MFF: variants seen among roughly 807,000 people sequenced by gnomAD.
MFF encodes mitochondrial fission factor, also known as chromosome 2 open reading frame 33.
Under a neutral mutation model 36.9 loss-of-function variants are expected in MFF, and 12 were observed. The ratio of observed to expected loss-of-function variants is 0.33; its 90% CI spans 0.21 to 0.53. MFF has a LOEUF of 0.53. MFF is among the 20% of genes least tolerant of loss of function. The pLI, the probability that MFF is intolerant of heterozygous loss-of-function variation, is 0.95. For missense variants in MFF, 348 were observed against 366.6 expected (o/e 0.95, Z 0.42); for synonymous variants, 99 against 126.2 (o/e 0.78, Z 1.44).
intron 1 of MFF, chr2:227,325,633 G>A (rs540093087): frequency 6.6e-6 from 1 of 152,474 alleles, no homozygotes; most frequent in South Asian, 2.1e-4. Context: ...TCCCCGAGGA[G>A]AGCGAGGGAG....
At position 227,331,650 on chromosome 2, in the gene MFF, C is replaced by T. The variant is rs73086049; in HGVS notation, c.182-769C>T. 5.6e-3 allele frequency among the ~76,000 whole-genome samples: 847 copies of T among 152,316 alleles called. 6 individuals are homozygous for T. Among genetic ancestry groups the T allele is most frequent in the African/African-American group, 0.019 (792 of 41,562 alleles). ...AAGTTACAGTTGCTCCACATCCTTGCCAACATTTTGTATTGTCAGTCTTTT... is the reference window on the plus strand; with the variant it reads ...AAGTTACAGTTGCTCCACATCCTTGTCAACATTTTGTATTGTCAGTCTTTT... On this transcript the variant is annotated intron_variant, in intron 3 of 8. Transcript: ENST00000304593.
Position 227,332,489 on chromosome 2 carries a change from C to T in MFF, c.252C>T (p.Pro84=). 2.5e-6 allele frequency: 4 copies of T among 1,613,634 alleles called. No homozygotes were observed. The highest frequency in any genetic ancestry group is 3.4e-6 in the Non-Finnish European group (4 of 1,179,666). Residue 84 remains proline, a synonymous_variant, in exon 4 of 9, where the codon CCC becomes CCT. Transcript: ENST00000304593. ...LDLIQSTPFK[P]LALKTPPRVL... The stretch of plus-strand genomic sequence containing the variant: ...TTATTCAGTCAACTCCCTTTAAACC[C>T]CTGGCACTGAAAACACCACCTCGTG...
chr2:227,347,064 A>G lies in MFF; in HGVS notation c.441-162A>G, dbSNP rs186110357. ...TGCCTTGTAGCTAGTTTTTGGAAAC[A>G]ATTCAAAATATTTATTCTTTGACTG... is the stretch of plus-strand genomic sequence containing the variant. On this transcript the variant is annotated intron_variant, in intron 5 of 8. Transcript: ENST00000304593. 7.9e-4 allele frequency: 456 copies of G among 579,474 alleles called. 2 individuals carry two copies. The highest frequency in any genetic ancestry group is 4.7e-3 in the East Asian group (166 of 35,326). 35.9% of individuals were successfully genotyped at this position (579,474 alleles called of 1,614,324 possible).
chr2:227,353,599 G>T (rs774497063), intron 7 of MFF, among the ~76,000 whole-genome samples: 22 of 152,020 alleles, frequency 1.4e-4, no homozygotes, highest in Admixed American at 4.6e-4. Flanking sequence ...TTATCTTTCT[G>T]TCAGAGTATT....
At chr2:227,333,192 C>T (rs903463647) in intron 4 of MFF, among the ~76,000 whole-genome samples, 1 of 152,222 alleles carries the variant, frequency 6.6e-6, no homozygotes, top group African/African-American at 2.4e-5. Flanking sequence ...GAACTTCTAA[C>T]ATGTTGTCAT....
intron 5 of MFF, among the ~76,000 whole-genome samples, chr2:227,343,114 T>C (rs1009430607): frequency 6.6e-5 from 10 of 152,158 alleles, no homozygotes; most frequent in African/African-American, 2.4e-4. Context: ...TATTTTGCTT[T>C]GGTTGGTATA....
intron 1 of MFF, 131 bp from the exon 2 acceptor site, chr2:227,328,534 TTTTTCTTTCTTTA>T (rs1052520918): frequency 1.2e-4 from 18 of 152,282 alleles, no homozygotes; most frequent in African/African-American, 4.3e-4. Context: ...AAGCTTAATT[TTTTTCTTTCTTTA>T]TTTTCTTACT....
intron 1 of MFF, among the ~76,000 whole-genome samples, chr2:227,328,453 A>G (rs1238441604): frequency 6.6e-6 from 1 of 152,200 alleles, no homozygotes; most frequent in Non-Finnish European, 1.5e-5. Context: ...ACAATGACAG[A>G]GCTAGTCTTT....
chr2:227,330,802 A>G lies in MFF; in HGVS notation c.137A>G (p.Asn46Ser), dbSNP rs2074515617. 3 of 1,614,228 alleles carry G rather than the reference A, an allele frequency of 1.9e-6. No homozygotes were observed. Among genetic ancestry groups the G allele is most frequent in the Non-Finnish European group, 2.5e-6 (3 of 1,180,030 alleles). Residue 46 changes from asparagine to serine, a missense_variant, in exon 3 of 9, where the codon AAT becomes AGT. Transcript: ENST00000304593. ...CAAGGATTCCAAGAAGGAGTTCCAAATGCTAGTGTGATAATGCAAGTTCCG... is the reference window on the plus strand; with the variant it reads ...CAAGGATTCCAAGAAGGAGTTCCAAGTGCTAGTGTGATAATGCAAGTTCCG... ...LEQGFQEGVP[N>S]ASVIMQVPER...
Position 227,328,695 on chromosome 2 carries a change from A to C in MFF, c.-135A>C, listed in dbSNP as rs1373787690. The C allele has an allele frequency of 1.3e-5, 2 of 156,730 alleles. No homozygotes were observed. The highest frequency in any genetic ancestry group is 2.8e-5 in the Non-Finnish European group (2 of 70,238). 9.7% of individuals were successfully genotyped at this position (156,730 alleles called of 1,614,324 possible). A position where few individuals can be genotyped will look rare whatever the true frequency, so the allele number is the denominator to read the frequency against. On this transcript the variant is annotated 5_prime_UTR_variant, in exon 2 of 9. Coordinates refer to ENST00000304593, the MANE Select transcript of MFF (RefSeq NM_001277062.2). ...TTCCCCAGGGACAAAAGTGGCTCTCAATCCAGCACATGCACATTGAAGCAA... is the reference window on the plus strand; with the variant it reads ...TTCCCCAGGGACAAAAGTGGCTCTCCATCCAGCACATGCACATTGAAGCAA...
At chr2:227,353,711 A>AAGT in intron 7 of MFF, among the ~76,000 whole-genome samples, 1 of 152,186 alleles carries the variant, frequency 6.6e-6, no homozygotes, top group East Asian at 1.9e-4. Context: ...TTTTAAATTG[A>AAGT]AGTATATAGG....
At chr2:227,348,100 C>A (rs985912760) in intron 6 of MFF, among the ~76,000 whole-genome samples, 1 of 152,068 alleles carries the variant, frequency 6.6e-6, no homozygotes, top group Non-Finnish European at 1.5e-5. Flanking sequence ...AAGATAGAGT[C>A]AATTTCATTT....
rs2074004574 is a variant in MFF at position 227,325,315 on chromosome 2, C to CT, written c.-264dup. 6.3e-6 allele frequency: 1 copy of CT among 158,120 alleles called. No individual in the cohort carries two copies. The highest frequency in any genetic ancestry group is 2.4e-5 in the African/African-American group (1 of 41,858). 9.8% of individuals were successfully genotyped at this position (158,120 alleles called of 1,614,324 possible). Reference sequence around the variant, plus strand: ...CCCTCTGCGGGCCGCTCCGCCGGTGCTGTCCCTGGGCGCCTCCGTGCTCTC... The same window carrying CT: ...CCCTCTGCGGGCCGCTCCGCCGGTGCTTGTCCCTGGGCGCCTCCGTGCTCTC... On this transcript the variant is annotated 5_prime_UTR_variant, in exon 1 of 9. Transcript: ENST00000304593.
intron 5 of MFF, among the ~76,000 whole-genome samples, chr2:227,345,406 C>G (rs1247624542): frequency 6.6e-6 from 1 of 152,154 alleles, no homozygotes; most frequent in Non-Finnish European, 1.5e-5. Flanking sequence ...TTTATCAGTA[C>G]AGAATGATAC....
chr2:227,355,487 G>T, intron 7 of MFF, 190 bp from the exon 8 acceptor site: 1 of 349,390 alleles, frequency 2.9e-6, no homozygotes, highest in Non-Finnish European at 5.2e-6. Context: ...ATTGTAGACA[G>T]TTGTCATTTT....
intron 5 of MFF, among the ~76,000 whole-genome samples, chr2:227,342,502 C>T (rs2075450644): frequency 6.6e-6 from 1 of 152,068 alleles, no homozygotes; most frequent in African/African-American, 2.4e-5. Flanking sequence ...AATTGTTGTG[C>T]GTCATAGTGC....
chr2:227,333,530 G>A (rs1227175755), intron 4 of MFF, among the ~76,000 whole-genome samples: 3 of 152,134 alleles, frequency 2.0e-5, no homozygotes, highest in African/African-American at 7.2e-5. Context: ...GATACTATAT[G>A]CAGTATAGGA....
chr2:227,355,718 C>T lies in MFF; in HGVS notation c.701C>T (p.Ser234Leu). The T allele has an allele frequency of 6.2e-7, 1 of 1,612,234 alleles. No individual in the cohort carries two copies. The highest frequency in any genetic ancestry group is 1.1e-5 in the South Asian group (1 of 90,994). The change falls in exon 8 of 9, where the codon TCA becomes TTA. Residue 234 changes from serine to leucine, a missense_variant. Coordinates refer to ENST00000304593, the MANE Select transcript of MFF (RefSeq NM_001277062.2). ...ATAGATACAACCATTGAAGGAACGT[C>T]AGATGACCTGACTGTTGTAGATGCA... ...SNIDTTIEGT[S>L]DDLTVVDAAS...
chr2:227,330,688 A>G lies in MFF; in HGVS notation c.23A>G (p.Gln8Arg), dbSNP rs2074505848. The change falls in exon 3 of 9, where the codon CAG (glutamine) becomes CGG (arginine). Residue 8 changes from glutamine to arginine, a missense_variant. By Grantham distance (43) the Gln-to-Arg change is conservative. Transcript: ENST00000304593. MAEISRI[Q>R]YEMEYTEGIS... Reference sequence around the variant, plus strand: ...GAGATGGCAGAAATTAGTCGAATTCAGTACGAAATGGAATATACTGAAGGC... The same window carrying G: ...GAGATGGCAGAAATTAGTCGAATTCGGTACGAAATGGAATATACTGAAGGC... 1.2e-6 allele frequency: 2 copies of G among 1,614,072 alleles called. No individual in the cohort carries two copies. Among genetic ancestry groups the G allele is most frequent in the Non-Finnish European group, 1.7e-6 (2 of 1,180,014 alleles).
Sources: allele counts gnomAD v4.1 joint callset (sites outside exome capture counted in the v4.1 genomes callset), GRCh38; gene constraint gnomAD v4.1.1; transcripts MANE v1.5; gene names NCBI Gene and HGNC (gene_info 2026-07-23, HGNC 2026-07-21).